The following KCND3 variants were observed in gnomAD, a reference collection of about 807,000 sequenced individuals.
The protein encoded by KCND3 is A-type voltage-gated potassium channel KCND3.
In KCND3, 9 loss-of-function variants were observed where a neutral mutation model predicts 51.1. That is an observed-to-expected ratio of 0.18 (90% CI 0.11 to 0.31). The LOEUF (loss-of-function observed/expected upper bound fraction) is 0.31. Among genes scored for constraint, KCND3 ranks in the 10% least tolerant of loss-of-function variants. KCND3 has a pLI of 1.00. For missense variants in KCND3, 526 were observed against 903.8 expected, an observed-to-expected ratio of 0.58 and a Z score of 5.36; for synonymous variants, 349 against 368.0, an observed-to-expected ratio of 0.95 and a Z score of 0.59.
intron 3 of KCND3, among the ~76,000 whole-genome samples, chr1:111,782,307 G>A (rs1664422344): frequency 6.6e-6 from 1 of 152,180 alleles, no homozygotes; most frequent in Non-Finnish European, 1.5e-5. Context: ...CCCTTCCCAG[G>A]CTTCTAAATG....
chr1:111,953,769 A>G (rs1673177630), intron 2 of KCND3, among the ~76,000 whole-genome samples: 1 of 152,194 alleles, frequency 6.6e-6, no homozygotes, highest in Non-Finnish European at 1.5e-5. Flanking sequence ...AGGTCATGAC[A>G]CTGTCACTCA....
intron 2 of KCND3, among the ~76,000 whole-genome samples, chr1:111,836,264 G>GAA (rs1667059768): frequency 6.6e-6 from 1 of 152,164 alleles, no homozygotes; most frequent in Non-Finnish European, 1.5e-5. Context: ...CTGCCAGTTT[G>GAA]GGCCGCCTGC....
chr1:111,881,823 C>T (rs192607591), intron 2 of KCND3, among the ~76,000 whole-genome samples: 7 of 152,204 alleles, frequency 4.6e-5, no homozygotes, highest in African/African-American at 1.4e-4. Context: ...TTCAGTGATA[C>T]CCATTTTGGT....
chr1:111,894,974 G>C (rs534416024), intron 2 of KCND3, among the ~76,000 whole-genome samples: 149 of 151,556 alleles, frequency 9.8e-4, no homozygotes, highest in African/African-American at 3.5e-3. Context: ...AGAAAGAGGG[G>C]AAAAGAGGGA....
intron 2 of KCND3, among the ~76,000 whole-genome samples, chr1:111,788,445 T>A (rs1664698690): frequency 6.6e-6 from 1 of 152,180 alleles, no homozygotes; most frequent in African/African-American, 2.4e-5. Flanking sequence ...TTCAGAAGTA[T>A]GAACACCCAA....
At chr1:111,933,949 G>A (rs1672092811) in intron 2 of KCND3, among the ~76,000 whole-genome samples, 1 of 152,182 alleles carries the variant, frequency 6.6e-6, no homozygotes, top group Non-Finnish European at 1.5e-5. Context: ...CTATAGGCAG[G>A]AGGCACAGAT....
At chr1:111,892,366 G>C (rs1035158515) in intron 2 of KCND3, among the ~76,000 whole-genome samples, 3 of 152,202 alleles carry the variant, frequency 2.0e-5, no homozygotes, top group African/African-American at 7.2e-5. Context: ...ACAATGCAGT[G>C]AGCCAGCTCT....
In KCND3 at chr1:111,780,713, G is replaced by A. The variant is rs150401343; in HGVS notation, c.1348C>T (p.Leu450Phe). ...AYLHSKRNGLLNEALELTGTP... is the reference protein window; with the variant it reads ...AYLHSKRNGLFNEALELTGTP... Reference sequence around the variant, plus strand: ...ACCGTCAGCTCCAGCGCCTCGTTGAGGAGCCCGTTGCGCTTGCTGTGCAGG... The same window carrying A: ...ACCGTCAGCTCCAGCGCCTCGTTGAAGAGCCCGTTGCGCTTGCTGTGCAGG... The change falls in exon 4 of 8, where the codon CTC (leucine) becomes TTC (phenylalanine). Residue 450 changes from leucine (L) to phenylalanine (F), a missense_variant. Leu to Phe is a conservative substitution (Grantham distance 22, BLOSUM62 0). Coordinates refer to ENST00000302127, the MANE Select transcript of KCND3 (RefSeq NM_001378969.1). The surrounding 1 kb of genome is among the most constrained non-coding windows in gnomAD (Gnocchi z 4.2). The A allele has an allele frequency of 9.1e-5, 147 of 1,612,072 alleles. No homozygotes were observed. In the Middle Eastern group the frequency reaches 4.6e-3, roughly 51 times the overall value.
At chr1:111,826,668 A>G (rs535268503) in intron 2 of KCND3, among the ~76,000 whole-genome samples, 7 of 152,194 alleles carry the variant, frequency 4.6e-5, no homozygotes, top group Admixed American at 1.3e-4. Context: ...AATGTTTCCT[A>G]AGGCTGAAGA....
chr1:111,902,547 T>G (rs1006231583), intron 2 of KCND3, among the ~76,000 whole-genome samples: 1 of 152,136 alleles, frequency 6.6e-6, no homozygotes, highest in African/African-American at 2.4e-5. Flanking sequence ...TTCTTTGTAA[T>G]GGGAGGGGTT....
At chr1:111,970,545 C>T (rs1674271920) in intron 2 of KCND3, among the ~76,000 whole-genome samples, 1 of 152,204 alleles carries the variant, frequency 6.6e-6, no homozygotes, top group South Asian at 2.1e-4. Context: ...CCATCTTCTC[C>T]TCACACTTTC....
At chr1:111,806,928 G>A (rs778104837) in intron 2 of KCND3, among the ~76,000 whole-genome samples, 4 of 152,204 alleles carry the variant, frequency 2.6e-5, no homozygotes, top group Non-Finnish European at 2.9e-5. Context: ...GGGTGAAGAC[G>A]AATTGAGAGT....
At chr1:111,852,192 T>C (rs897232685) in intron 2 of KCND3, among the ~76,000 whole-genome samples, 2 of 152,214 alleles carry the variant, frequency 1.3e-5, no homozygotes, top group African/African-American at 4.8e-5. Context: ...TGAAAGCACT[T>C]TTCTGGAAAG....
At chr1:111,896,874 A>C (rs1010567215) in intron 2 of KCND3, among the ~76,000 whole-genome samples, 2 of 152,210 alleles carry the variant, frequency 1.3e-5, no homozygotes, top group Non-Finnish European at 2.9e-5. Flanking sequence ...CACCATCATA[A>C]GTACCTTCCC....
At chr1:111,879,189 C>A (rs143731584) in intron 2 of KCND3, among the ~76,000 whole-genome samples, 4 of 152,288 alleles carry the variant, frequency 2.6e-5, no homozygotes, top group Admixed American at 1.3e-4. Flanking sequence ...CATCATCATG[C>A]GAGCCAACTC....
intron 2 of KCND3, among the ~76,000 whole-genome samples, chr1:111,933,783 CA>C (rs1672086770): frequency 6.6e-6 from 1 of 152,030 alleles, no homozygotes; most frequent in South Asian, 2.1e-4. Context: ...ACATCTCCTC[CA>C]CATTTCCCTA....
chr1:111,884,884 G>C (rs951817650), intron 2 of KCND3, among the ~76,000 whole-genome samples: 3 of 152,152 alleles, frequency 2.0e-5, no homozygotes, highest in Admixed American at 6.5e-5. Context: ...CATTGGGCCT[G>C]ATAATTCTTT....
chr1:111,983,780 G>A (rs569822823), intron 1 of KCND3, among the ~76,000 whole-genome samples: 2 of 152,066 alleles, frequency 1.3e-5, no homozygotes, highest in Admixed American at 1.3e-4. Context: ...GATTTTTCCA[G>A]AGCCAGGCTA....
At chr1:111,837,074 T>A (rs1328471180) in intron 2 of KCND3, among the ~76,000 whole-genome samples, 3 of 152,216 alleles carry the variant, frequency 2.0e-5, no homozygotes, top group Admixed American at 6.5e-5. Context: ...ATTAAGTCAT[T>A]TTATCCTCTC....
Sources: gnomAD v4.1 joint callset for allele counts (sites outside exome capture counted in the v4.1 genomes callset) on GRCh38, gnomAD v4.1.1 for gene constraint, Gnocchi (gnomAD v3.1) non-coding constraint, MANE v1.5 for transcripts, NCBI Gene and HGNC (gene_info 2026-07-23, HGNC 2026-07-21) for gene names.